The following FGFR1 variants were observed in gnomAD, a reference collection of about 807,000 sequenced individuals.
The protein encoded by FGFR1 is FGFR1/PLAG1 fusion.
A neutral mutation model predicts 93.7 loss-of-function variants in FGFR1; 18 were observed. The observed-to-expected ratio is 0.19, with a 90% CI of 0.13 to 0.28. FGFR1 has a LOEUF of 0.28. FGFR1 is among the 10% of genes least tolerant of loss of function. FGFR1 has a pLI of 1.00. For missense variants in FGFR1, 731 were observed against 1,080.4 expected, an observed-to-expected ratio of 0.68 and a Z score of 4.53; for synonymous variants, 448 against 429.3, an observed-to-expected ratio of 1.04 and a Z score of -0.54.
At chr8:38,436,539 G>C (rs548362245) in intron 2 of FGFR1, among the ~76,000 whole-genome samples, 13 of 152,266 alleles carry the variant, frequency 8.5e-5, no homozygotes, top group African/African-American at 3.1e-4. Context: ...GCAGGTTCCT[G>C]GGTCAAAGCA....
intron 2 of FGFR1, among the ~76,000 whole-genome samples, chr8:38,443,597 CG>C (rs952919510): frequency 1.6e-4 from 24 of 151,926 alleles, no homozygotes; most frequent in African/African-American, 5.1e-4. Flanking sequence ...CTCTTGAGCC[CG>C]GGAGGTCGAG....
At chr8:38,459,531 T>C (rs1165977334) in intron 1 of FGFR1, among the ~76,000 whole-genome samples, 1 of 152,206 alleles carries the variant, frequency 6.6e-6, no homozygotes, top group Non-Finnish European at 1.5e-5. Context: ...AAATGAATAC[T>C]GAACACCCAC....
intron 2 of FGFR1, among the ~76,000 whole-genome samples, chr8:38,455,360 A>G (rs1832521598): frequency 6.6e-6 from 1 of 152,174 alleles, no homozygotes; most frequent in African/African-American, 2.4e-5. Context: ...AGCTCACTGC[A>G]TGCTCTGCCT....
At chr8:38,455,299 G>A (rs1393789991) in intron 2 of FGFR1, among the ~76,000 whole-genome samples, 17 of 151,624 alleles carry the variant, frequency 1.1e-4, no homozygotes, top group Admixed American at 1.1e-3. Flanking sequence ...TTTCTTTTTT[G>A]AGACGGAGTC....
At chr8:38,456,844 T>TA (rs1371406570) in intron 2 of FGFR1, among the ~76,000 whole-genome samples, 1 of 152,162 alleles carries the variant, frequency 6.6e-6, no homozygotes, top group African/African-American at 2.4e-5. Flanking sequence ...GTGCTGAGGT[T>TA]ACATGTGTGA....
chr8:38,448,006 A>G (rs538059662), intron 2 of FGFR1, among the ~76,000 whole-genome samples: 180 of 152,306 alleles, frequency 1.2e-3, no homozygotes, highest in African/African-American at 3.4e-3. Context: ...ACACCCACAC[A>G]ATGGAACATT....
chr8:38,430,020 A>G, intron 2 of FGFR1, 72 bp from the exon 3 acceptor site: 1 of 1,466,636 alleles, frequency 6.8e-7, no homozygotes, highest in South Asian at 1.3e-5. Flanking sequence ...GGAGGAGGGG[A>G]GAGACAAAGG....
intron 2 of FGFR1, among the ~76,000 whole-genome samples, chr8:38,449,329 T>G (rs1371429005): frequency 6.6e-6 from 1 of 151,978 alleles, no homozygotes; most frequent in African/African-American, 2.4e-5. Flanking sequence ...ATGTATAAAG[T>G]ATACATTGTA....
Position 38,411,859 on chromosome 8 carries a change from G to A in FGFR1, c.*1769C>T, listed in dbSNP as rs549566640. 2 of 228,538 alleles carry A rather than the reference G, an allele frequency of 8.8e-6. No individual in the cohort carries two copies. Among genetic ancestry groups the A allele is most frequent in the African/African-American group, 2.2e-5 (1 of 45,026 alleles). 14.2% of individuals were successfully genotyped at this position (228,538 alleles called of 1,614,324 possible). On this transcript the variant is annotated 3_prime_UTR_variant, in exon 18 of 18. Transcript: ENST00000447712. ...AGAACTGTAAGAAGCCAAGATCTGC[G>A]ACAGTCCCAACAAATACAGTCTGGT...
intron 9 of FGFR1, 191 bp from the exon 10 acceptor site, chr8:38,418,564 C>A: frequency 1.6e-6 from 1 of 641,978 alleles, no homozygotes; most frequent in Non-Finnish European, 2.7e-6. Context: ...CCTATTTCTG[C>A]CACAAGCTGG....
In FGFR1 at chr8:38,419,621, A is replaced by G; in HGVS notation, c.1196T>C (p.Met399Thr). The change falls in exon 9 of 18, where the codon ATG (methionine) becomes ACG (threonine). Residue 399 changes from methionine (M) to threonine (T), a missense_variant. Transcript: ENST00000447712. ...GTCACTCTTCTTGGTACCACTCTTC[A>G]TCTTGTAGACGATGACCGACCCCAC... Reference protein sequence around the residue: ...CMVGSVIVYKMKSGTKKSDFH... With the variant: ...CMVGSVIVYKTKSGTKKSDFH... The G allele has an allele frequency of 1.2e-6, 2 of 1,614,030 alleles. No homozygotes were observed. The highest frequency in any genetic ancestry group is 2.2e-5 in the South Asian group (2 of 91,074).
chr8:38,447,570 C>T (rs965435966), intron 2 of FGFR1, among the ~76,000 whole-genome samples: 5 of 152,150 alleles, frequency 3.3e-5, no homozygotes, highest in Admixed American at 2.0e-4. Flanking sequence ...CAACCTCCAC[C>T]TCCTGGGTTC....
At chr8:38,419,778 C>G (rs370166184) in intron 8 of FGFR1, 43 bp from the exon 9 acceptor site, 2 of 1,569,054 alleles carry the variant, frequency 1.3e-6, no homozygotes, top group Non-Finnish European at 1.8e-6. Flanking sequence ...TGGAGGGCCC[C>G]GTCCATGCGA....
chr8:38,419,984 C>T (rs1024801493), intron 8 of FGFR1: 5 of 519,644 alleles, frequency 9.6e-6, no homozygotes, highest in South Asian at 6.8e-5. Flanking sequence ...GCTACACAAG[C>T]CCCATCTTCA....
At chr8:38,441,839 T>A (rs1222154856) in intron 2 of FGFR1, among the ~76,000 whole-genome samples, 1 of 152,164 alleles carries the variant, frequency 6.6e-6, no homozygotes, top group Admixed American at 6.5e-5. Flanking sequence ...TTAGGGTCAA[T>A]TAACATTTCC....
At chr8:38,462,544 A>T (rs1834639177) in intron 1 of FGFR1, among the ~76,000 whole-genome samples, 1 of 152,134 alleles carries the variant, frequency 6.6e-6, no homozygotes, top group African/African-American at 2.4e-5. Flanking sequence ...CTTTTAACTT[A>T]ATTTCCAATG....
chr8:38,418,024 G>C (rs2150660697), intron 10 of FGFR1, 33 bp from the exon 11 acceptor site: 1 of 1,613,878 alleles, frequency 6.2e-7, no homozygotes. Context: ...GCATAAGTTG[G>C]GGCTGGTGAA....
intron 8 of FGFR1, among the ~76,000 whole-genome samples, chr8:38,421,462 G>T (rs192739968): frequency 4.6e-5 from 7 of 152,220 alleles, no homozygotes; most frequent in Admixed American, 3.3e-4. Flanking sequence ...CCAGCGGAGG[G>T]GGGAGGCTGC....
chr8:38,428,695 T>C, intron 3 of FGFR1: 1 of 524,648 alleles, frequency 1.9e-6, no homozygotes, highest in Non-Finnish European at 3.5e-6. Context: ...TGTTCCTATT[T>C]AACTTAATTC....
Sources: allele counts gnomAD v4.1 joint callset (sites outside exome capture counted in the v4.1 genomes callset), GRCh38; gene constraint gnomAD v4.1.1; transcripts MANE v1.5; gene names NCBI Gene and HGNC (gene_info 2026-07-23, HGNC 2026-07-21).